Variants in NF1 observed in about 807,000 individuals in gnomAD.
The protein encoded by NF1 is neurofibromin 1.
In NF1, 122 loss-of-function variants were observed where a neutral mutation model predicts 325.7. The ratio of observed to expected loss-of-function variants is 0.37; its 90% CI spans 0.32 to 0.44. NF1 has a LOEUF of 0.44. Ranked by LOEUF, NF1 falls within the 20% of genes least tolerant of loss-of-function variation. NF1 has a pLI of 1.00. For synonymous variants in NF1, 1,091 were observed against 1,186.0 expected (o/e 0.92, Z 1.65); for missense variants, 2,140 against 3,415.4 (o/e 0.63, Z 9.31).
At position 31,206,388 on chromosome 17, in the gene NF1, A is replaced by G. The variant is rs1164343067; in HGVS notation, c.1392+17A>G. 1.2e-6 allele frequency: 2 copies of G among 1,613,316 alleles called. No homozygotes were observed. Among genetic ancestry groups the G allele is most frequent in the Admixed American group, 1.7e-5 (1 of 59,996 alleles). ...ATGGCACCGGTAAGATAAATCACGA[A>G]TTTTGAATCTCACCTCCTTTCTATT... On this transcript the variant is annotated intron_variant, in intron 12 of 57. Transcript: ENST00000358273.
chr17:31,284,569 G>A (rs1194586270), intron 36 of NF1, among the ~76,000 whole-genome samples: 1 of 151,866 alleles, frequency 6.6e-6, no homozygotes, highest in Non-Finnish European at 1.5e-5. Flanking sequence ...ACAGGCATGA[G>A]CCACCGTGCC....
intron 1 of NF1, among the ~76,000 whole-genome samples, chr17:31,149,108 GT>G (rs527292018): frequency 6.9e-5 from 10 of 144,434 alleles, no homozygotes; most frequent in South Asian, 2.2e-4. Flanking sequence ...TCTCCATCTT[GT>G]TTTTTTTTTA....
chr17:31,235,501 T>G (rs2067183135), intron 27 of NF1, 110 bp from the exon 28 acceptor site: 1 of 1,107,108 alleles, frequency 9.0e-7, no homozygotes, highest in Admixed American at 1.7e-5. Flanking sequence ...TTTGCCTTAA[T>G]TTAGCAAGTG....
rs876659829 is a variant in NF1 at position 31,229,191 on chromosome 17, G to C, written c.2576G>C (p.Gly859Ala). The part of the protein sequence containing the change: ...GVCLQQRSNS[G>A]LATYSPPMGP... ...TGCCTCCAGCAGAGAAGCAATTCTG[G>C]CCTGGCAACCTATAGCCCACCCATG... is the stretch of plus-strand genomic sequence containing the variant. Residue 859 changes from glycine to alanine, a missense_variant, in exon 21 of 58, where the codon GGC (glycine) becomes GCC (alanine). This residue lies in a region of NF1 where 380 missense variants were observed against 639.3 expected (regional missense o/e 0.59). Coordinates refer to ENST00000358273, the MANE Select transcript of NF1 (RefSeq NM_001042492.3). 1 of 1,611,818 alleles carries C rather than the reference G, an allele frequency of 6.2e-7. No individual in the cohort carries two copies. The highest frequency in any genetic ancestry group is 8.5e-7 in the Non-Finnish European group (1 of 1,179,832).
chr17:31,326,505 G>A (rs1384797360), intron 37 of NF1, among the ~76,000 whole-genome samples: 13 of 152,088 alleles, frequency 8.5e-5, no homozygotes, highest in Admixed American at 8.5e-4. Flanking sequence ...AACATTAGCC[G>A]GGTATGGTGG....
rs1597844644 is a variant in NF1 at position 31,337,860 on chromosome 17, G to C, written c.6684G>C (p.Gln2228His). 1 of 1,613,980 alleles carries C rather than the reference G, an allele frequency of 6.2e-7. No individual in the cohort carries two copies. Among genetic ancestry groups the C allele is most frequent in the Non-Finnish European group, 8.5e-7 (1 of 1,179,884 alleles). The change falls in exon 44 of 58, where the codon CAG becomes CAC. Residue 2228 changes from glutamine to histidine, a missense_variant. Physicochemically the swap from Gln to His is conservative, Grantham distance 24. This residue lies in a region of NF1 where 522 missense variants were observed against 749.0 expected (regional missense o/e 0.70). Coordinates refer to ENST00000358273, the MANE Select transcript of NF1 (RefSeq NM_001042492.3). ...TTCCAACGTGCAAGTGGCTGGACCA[G>C]TGGACAGAACTAGCTCAAAGGTATG... ...RDIPTCKWLD[Q>H]WTELAQRFAF...
chr17:31,177,886 A>G (rs1288738899), intron 5 of NF1, among the ~76,000 whole-genome samples: 1 of 152,176 alleles, frequency 6.6e-6, no homozygotes, highest in Non-Finnish European at 1.5e-5. Context: ...GACCAAATCT[A>G]CATTTGGTTA....
chr17:31,096,735 CAG>C (rs961055024), intron 1 of NF1, among the ~76,000 whole-genome samples: 15 of 152,052 alleles, frequency 9.9e-5, no homozygotes, highest in Admixed American at 4.6e-4. Flanking sequence ...TTGGAATAGA[CAG>C]AGGAAGTTGA....
chr17:31,133,796 A>G (rs1441490101), intron 1 of NF1: 1 of 152,216 alleles, frequency 6.6e-6, no homozygotes, highest in African/African-American at 2.4e-5. Flanking sequence ...AGCTGGGACT[A>G]CTGGCACCTG....
chr17:31,132,065 G>C (rs1915435079), intron 1 of NF1, among the ~76,000 whole-genome samples: 1 of 151,930 alleles, frequency 6.6e-6, no homozygotes, highest in African/African-American at 2.4e-5. Context: ...CAAGTAGCTG[G>C]GACTACAGGC....
intron 8 of NF1, among the ~76,000 whole-genome samples, chr17:31,185,473 AGAGGATGGG>A (rs1418197572): frequency 1.3e-5 from 2 of 152,194 alleles, no homozygotes; most frequent in African/African-American, 2.4e-5. Flanking sequence ...TTTGGGTGCC[AGAGGATGGG>A]AAATAAATCC....
At position 31,153,035 on chromosome 17, in the gene NF1, C is replaced by T. The variant is rs1219187809; in HGVS notation, c.61-2948C>T. ...TCATGAAATAAAAAAAAAATGGTCTCATTCTTTCAGAGATCTCTTGTTCAT... is the reference window on the plus strand; with the variant it reads ...TCATGAAATAAAAAAAAAATGGTCTTATTCTTTCAGAGATCTCTTGTTCAT... On this transcript the variant is annotated intron_variant, in intron 1 of 57. Transcript: ENST00000358273. Among the ~76,000 whole-genome samples, 7 of 151,742 alleles carry T rather than the reference C, an allele frequency of 4.6e-5. No homozygotes were observed. In the East Asian group the frequency reaches 1.2e-3, roughly 25 times the overall value.
intron 36 of NF1, among the ~76,000 whole-genome samples, chr17:31,300,478 T>C (rs1363691831): frequency 6.6e-6 from 1 of 152,064 alleles, no homozygotes; most frequent in Non-Finnish European, 1.5e-5. Context: ...AGTATATAGG[T>C]ATCTGTATGA....
At chr17:31,195,597 C>T (rs117664605) in intron 8 of NF1, among the ~76,000 whole-genome samples, 3 of 152,080 alleles carry the variant, frequency 2.0e-5, no homozygotes, top group Non-Finnish European at 4.4e-5. Context: ...ATTTGACTAC[C>T]TCATATAAGT....
Position 31,181,427 on chromosome 17 carries a change from G to A in NF1, c.592G>A (p.Ala198Thr), listed in dbSNP as rs1555608643. 3 of 1,613,174 alleles carry A rather than the reference G, an allele frequency of 1.9e-6. No individual in the cohort carries two copies. The highest frequency in any genetic ancestry group is 2.5e-6 in the Non-Finnish European group (3 of 1,179,500). ...AAAAATTGTGTTTTTTCCAGAAACA[G>A]CATTTAAATTTAAAGCCCTAAAGAA... is the stretch of plus-strand genomic sequence containing the variant. Reference protein sequence around the residue: ...AKLKRLLKETAFKFKALKKVA... With the variant: ...AKLKRLLKETTFKFKALKKVA... Residue 198 changes from alanine to threonine, a missense_variant, in exon 6 of 58, where the codon GCA (alanine) becomes ACA (threonine). By Grantham distance (58) the Ala-to-Thr change is moderately conservative. This residue lies in a region of NF1 where 246 missense variants were observed against 347.8 expected (regional missense o/e 0.71). Transcript: ENST00000358273.
intron 36 of NF1, chr17:31,307,881 A>T (rs1162923514): frequency 1.6e-6 from 2 of 1,288,478 alleles, no homozygotes; most frequent in Non-Finnish European, 2.0e-6. Flanking sequence ...AGGTTTTACA[A>T]ATTACCTTTT....
At position 31,168,644 on chromosome 17, in the gene NF1, G is replaced by C. The variant is rs183104548; in HGVS notation, c.480-1247G>C. ...TTGGATTCACGTTCATTTGGCTGGG[G>C]GGGGACAAGAATACTTTACTGATGA... On this transcript the variant is annotated intron_variant, in intron 4 of 57. Coordinates refer to ENST00000358273, the MANE Select transcript of NF1 (RefSeq NM_001042492.3). 3.3e-5 allele frequency among the ~76,000 whole-genome samples: 5 copies of C among 152,156 alleles called. No homozygotes were observed. The South Asian group carries it at 6.2e-4, about 19-fold the overall frequency.
chr17:31,310,890 T>C (rs2068855197), intron 36 of NF1, among the ~76,000 whole-genome samples: 2 of 152,112 alleles, frequency 1.3e-5, no homozygotes, highest in African/African-American at 4.8e-5. Context: ...AATTTAAACA[T>C]TTTAAAGACA....
chr17:31,204,125 A>G (rs58457950), intron 11 of NF1, among the ~76,000 whole-genome samples: 169 of 152,246 alleles, frequency 1.1e-3, no homozygotes, highest in African/African-American at 3.7e-3. Flanking sequence ...TAAATTAGAT[A>G]TGTAATTGGG....
Sources: gnomAD v4.1 joint callset for allele counts (sites outside exome capture counted in the v4.1 genomes callset) on GRCh38, gnomAD v4.1.1 for gene constraint, gnomAD v4.1.1 regional missense constraint, MANE v1.5 for transcripts, NCBI Gene and HGNC (gene_info 2026-07-23, HGNC 2026-07-21) for gene names.